GABRG2: variants seen among roughly 807,000 people sequenced by gnomAD.
GABRG2 encodes gamma-aminobutyric acid receptor subunit gamma-2.
A neutral mutation model predicts 56.4 loss-of-function variants in GABRG2; 16 were observed. The observed-to-expected ratio is 0.28, with a 90% confidence interval of 0.19 to 0.43. The LOEUF (loss-of-function observed/expected upper bound fraction) is 0.43. Among genes scored for constraint, GABRG2 ranks in the 20% least tolerant of loss-of-function variants. The probability of loss-of-function intolerance (pLI) is 1.00; values close to 1 mark genes in which losing one functional copy is unlikely to be tolerated. For synonymous variants in GABRG2, 208 were observed against 205.5 expected (o/e 1.01, Z -0.10); for missense variants, 327 against 582.7 (o/e 0.56, Z 4.52).
chr5:162,097,093 C>T (rs1761052176), intron 3 of GABRG2, among the ~76,000 whole-genome samples: 1 of 152,060 alleles, frequency 6.6e-6, no homozygotes, highest in African/African-American at 2.4e-5. Context: ...TCCAGATCTC[C>T]TGCTTATGAC....
rs894554279 is a variant in GABRG2, at chr5:162,120,598, A to G, written c.769+16572A>G. Among the ~76,000 whole-genome samples, 13 of 152,250 alleles carry G rather than the reference A, an allele frequency of 8.5e-5. No individual in the cohort carries two copies. In the East Asian group the frequency reaches 2.5e-3, roughly 30 times the overall value. On this transcript the variant is annotated intron_variant, in intron 6 of 9. Coordinates refer to ENST00000639213, the MANE Select transcript of GABRG2 (RefSeq NM_198904.4). ...TGCAGCATCAGATAATAGAGACGGC[A>G]TGTGAGCTCTCATGCCACCTCTGCA...
chr5:162,078,391 A>ATG lies in GABRG2; in HGVS notation c.107+10286_107+10287insGT, dbSNP rs1170984263. On this transcript the variant is annotated intron_variant, in intron 1 of 9. Transcript: ENST00000639213. Reference sequence around the variant, plus strand: ...TTACTATATATATATATATATATATATATATATTTTTTTTTTTTTTTTTTT... The same window carrying ATG: ...TTACTATATATATATATATATATATATGTATATATTTTTTTTTTTTTTTTTTT... 5.2e-4 allele frequency among the ~76,000 whole-genome samples: 18 copies of ATG among 34,464 alleles called. 1 individual carries two copies. Among genetic ancestry groups the ATG allele is most frequent in the African/African-American group, 1.9e-3 (15 of 7,710 alleles). The allele number at this position is 34,464 out of a possible 152,430, so 22.6% of individuals were successfully genotyped here. A position where few individuals can be genotyped will look rare whatever the true frequency, so the allele number is the denominator to read the frequency against.
chr5:162,067,725 C>T, upstream of GABRG2: 5 of 609,538 alleles, frequency 8.2e-6, no homozygotes, highest in East Asian at 5.5e-5. Flanking sequence ...TCTCCTTGTA[C>T]CCTCCCCCTG....
At chr5:162,136,181 G>A (rs1025855274) in intron 6 of GABRG2, among the ~76,000 whole-genome samples, 8 of 152,260 alleles carry the variant, frequency 5.3e-5, no homozygotes, top group Admixed American at 2.0e-4. Flanking sequence ...AGAATCACAC[G>A]TTAAGCAGTG....
intron 6 of GABRG2, among the ~76,000 whole-genome samples, chr5:162,135,215 TTC>T (rs1211383947): frequency 6.6e-6 from 1 of 152,118 alleles, no homozygotes; most frequent in Non-Finnish European, 1.5e-5. Flanking sequence ...CTGATTTCCC[TTC>T]TCTCTTTTTT....
At chr5:162,102,815 C>T (rs1057150628) in intron 5 of GABRG2, 4 of 249,790 alleles carry the variant, frequency 1.6e-5, no homozygotes, top group African/African-American at 9.0e-5. Context: ...TCCATCCCTT[C>T]TAGGGACTCT....
At chr5:162,102,978 T>C (rs960796684) in intron 5 of GABRG2, 13 of 154,094 alleles carry the variant, frequency 8.4e-5, no homozygotes, top group Admixed American at 5.1e-4. Context: ...TTATTATTTA[T>C]TATCACATAA....
chr5:162,142,049 T>G, intron 6 of GABRG2, 115 bp from the exon 7 acceptor site: 1 of 1,316,740 alleles, frequency 7.6e-7, no homozygotes, highest in Non-Finnish European at 1.1e-6. Flanking sequence ...AACATACCAC[T>G]TGTAGAAAAC....
At chr5:162,103,736 T>A in intron 5 of GABRG2, 153 bp from the exon 6 acceptor site, 1 of 768,858 alleles carries the variant, frequency 1.3e-6, no homozygotes, top group Non-Finnish European at 2.2e-6. Context: ...TTGCAATTTA[T>A]GTTCTCATTG....
intron 1 of GABRG2, among the ~76,000 whole-genome samples, chr5:162,077,805 G>C (rs979815041): frequency 6.6e-6 from 1 of 152,096 alleles, no homozygotes; most frequent in Non-Finnish European, 1.5e-5. Context: ...TAAGGTGCTA[G>C]AAAATCAACT....
intron 9 of GABRG2, chr5:162,152,625 C>T (rs923034109): frequency 7.9e-6 from 2 of 254,698 alleles, no homozygotes; most frequent in South Asian, 9.8e-5. Flanking sequence ...TTTCTATTAA[C>T]ATTTAATACA....
intron 6 of GABRG2, among the ~76,000 whole-genome samples, chr5:162,108,038 A>G (rs1164908932): frequency 6.6e-6 from 1 of 152,200 alleles, no homozygotes; most frequent in Non-Finnish European, 1.5e-5. Flanking sequence ...CATAGCAAGC[A>G]CTATGTGTAA....
intron 6 of GABRG2, among the ~76,000 whole-genome samples, chr5:162,125,075 A>G (rs896805093): frequency 2.0e-5 from 3 of 151,496 alleles, no homozygotes; most frequent in African/African-American, 7.3e-5. Flanking sequence ...CCATACCTCA[A>G]CTGTCTTCAA....
At chr5:162,126,388 T>G (rs1177285673) in intron 6 of GABRG2, among the ~76,000 whole-genome samples, 1 of 151,998 alleles carries the variant, frequency 6.6e-6, no homozygotes, top group African/African-American at 2.4e-5. Flanking sequence ...GAAAAGCCTA[T>G]GGAAATCATT....
intron 1 of GABRG2, among the ~76,000 whole-genome samples, chr5:162,084,780 T>C (rs1009749524): frequency 6.6e-6 from 1 of 151,940 alleles, no homozygotes; most frequent in Admixed American, 6.6e-5. Context: ...TTCTCTTTTA[T>C]GGTTTGCATA....
At chr5:162,152,936 C>A (rs1765478222) in intron 9 of GABRG2, 157 bp from the exon 10 acceptor site, 2 of 881,776 alleles carry the variant, frequency 2.3e-6, no homozygotes, top group Admixed American at 2.1e-5. Context: ...TGCTATCTTT[C>A]TAAGTTCAAT....
chr5:162,084,126 A>G (rs1318092194), intron 1 of GABRG2, among the ~76,000 whole-genome samples: 1 of 151,824 alleles, frequency 6.6e-6, no homozygotes, highest in Non-Finnish European at 1.5e-5. Flanking sequence ...AAGAGTGGCT[A>G]AAGACAAATT....
At chr5:162,093,350 G>A (rs936043606) in intron 1 of GABRG2, among the ~76,000 whole-genome samples, 1 of 152,086 alleles carries the variant, frequency 6.6e-6, no homozygotes, top group Non-Finnish European at 1.5e-5. Context: ...TCAAGTTAGC[G>A]GGGAGAGGCA....
intron 7 of GABRG2, 147 bp from the exon 8 acceptor site, chr5:162,148,961 A>G: frequency 2.8e-6 from 2 of 723,966 alleles, no homozygotes; most frequent in Non-Finnish European, 5.0e-6. Flanking sequence ...ATATTTGTAA[A>G]TAGAGTGAAT....
Sources: allele counts gnomAD v4.1 joint callset (sites outside exome capture counted in the v4.1 genomes callset), GRCh38; gene constraint gnomAD v4.1.1; transcripts MANE v1.5; gene names NCBI Gene and HGNC (gene_info 2026-07-23, HGNC 2026-07-21).